ENPP2: variants seen among roughly 807,000 people sequenced by gnomAD.
The protein encoded by ENPP2 is autotaxin.
Under a neutral mutation model 120.2 loss-of-function variants are expected in ENPP2, and 51 were observed. That is an observed-to-expected ratio of 0.42 (90% CI 0.34 to 0.54). ENPP2 has a LOEUF of 0.54. Among genes scored for constraint, ENPP2 ranks in the 20% least tolerant of loss-of-function variants. The probability of loss-of-function intolerance (pLI) is 0.04; values close to 1 mark genes in which losing one functional copy is unlikely to be tolerated. For synonymous variants in ENPP2, 365 were observed against 366.4 expected (o/e 1.00, Z 0.04); for missense variants, 920 against 1,066.5 (o/e 0.86, Z 1.91).
chr8:119,620,093 A>G (rs540509669), intron 4 of ENPP2, among the ~76,000 whole-genome samples: 2 of 152,208 alleles, frequency 1.3e-5, no homozygotes, highest in East Asian at 1.9e-4. Flanking sequence ...CTACTGGACA[A>G]TGGGGTAACT....
chr8:119,584,168 T>G (rs984065889), intron 15 of ENPP2, 119 bp from the exon 16 acceptor site: 2 of 664,658 alleles, frequency 3.0e-6, no homozygotes, highest in Non-Finnish European at 5.3e-6. Context: ...GCCTCTATTT[T>G]AATTGCATTC....
At chr8:119,566,282 T>C (rs750123213) in intron 22 of ENPP2, among the ~76,000 whole-genome samples, 13 of 152,026 alleles carry the variant, frequency 8.6e-5, no homozygotes, top group Non-Finnish European at 1.5e-4. Context: ...AGGCAAGCAA[T>C]GGGTTGGTTC....
intron 19 of ENPP2, among the ~76,000 whole-genome samples, chr8:119,573,407 T>TAAAAAAAAAAAAAA (rs1563680979): frequency 9.8e-5 from 7 of 71,536 alleles, no homozygotes; most frequent in African/African-American, 5.0e-4. Flanking sequence ...GCTCCGTCTC[T>TAAAAAAAAAAAAAA]TAAAAAAAAA....
chr8:119,595,780 G>A, intron 11 of ENPP2: 3 of 1,502,760 alleles, frequency 2.0e-6, no homozygotes, highest in Non-Finnish European at 2.7e-6. Flanking sequence ...TTCCAACCAA[G>A]GCACTGAAGG....
At chr8:119,625,726 T>A (rs1816225200) in intron 3 of ENPP2, among the ~76,000 whole-genome samples, 1 of 152,162 alleles carries the variant, frequency 6.6e-6, no homozygotes, top group Non-Finnish European at 1.5e-5. Flanking sequence ...TTACAAGATA[T>A]CTCAAAAATC....
chr8:119,654,309 ATACT>A (rs1308798102), intron 1 of ENPP2, among the ~76,000 whole-genome samples: 9 of 142,236 alleles, frequency 6.3e-5, no homozygotes, highest in Non-Finnish European at 7.5e-5. Flanking sequence ...TCTATATATA[ATACT>A]TAATATATAA....
chr8:119,582,224 C>T (rs1439152743), intron 18 of ENPP2, among the ~76,000 whole-genome samples, 194 bp downstream of exon 18: 3 of 152,168 alleles, frequency 2.0e-5, no homozygotes, highest in Non-Finnish European at 2.9e-5. Flanking sequence ...AATATGGTAG[C>T]CACAAGCCAC....
At chr8:119,673,339 G>C (rs999356032) in exon 1 of ENPP2, 7 of 1,527,832 alleles carry the variant, frequency 4.6e-6, no homozygotes, top group Admixed American at 3.9e-5. Context: ...GCAGCCCCGC[G>C]ACCTGGGAGC....
chr8:119,642,470 CTA>C (rs979326571), upstream of ENPP2, among the ~76,000 whole-genome samples: 11 of 151,766 alleles, frequency 7.2e-5, no homozygotes, highest in Admixed American at 2.0e-4. Context: ...AATACAATAT[CTA>C]TGTTTCCTCA....
chr8:119,580,442 G>A (rs1812654453), intron 18 of ENPP2: 1 of 450,560 alleles, frequency 2.2e-6, no homozygotes, highest in African/African-American at 2.0e-5. Flanking sequence ...TTCCCATGTG[G>A]GTACTGATGA....
intron 2 of ENPP2, among the ~76,000 whole-genome samples, chr8:119,631,093 A>G (rs1816634979): frequency 6.8e-6 from 1 of 147,568 alleles, no homozygotes; most frequent in Non-Finnish European, 1.5e-5. Flanking sequence ...ACGGGGTTTC[A>G]CCATGTTGGT....
rs551336438 is a variant in ENPP2, at chr8:119,597,075, G to C, written c.973-3215C>G. On this transcript the variant is annotated intron_variant, in intron 11 of 24. Transcript: ENST00000075322. ...GAACAATGTTAGTGTATCCAAGAAGGGGAACATCTGCCATGCGATTTCACT... is the reference window on the plus strand; with the variant it reads ...GAACAATGTTAGTGTATCCAAGAAGCGGAACATCTGCCATGCGATTTCACT... Among the ~76,000 whole-genome samples the C allele has an allele frequency of 2.0e-5, 3 of 152,210 alleles. No homozygotes were observed. The East Asian group carries it at 5.8e-4, about 29-fold the overall frequency.
intron 10 of ENPP2, 86 bp from the exon 11 acceptor site, chr8:119,600,836 A>C: frequency 1.2e-6 from 1 of 837,790 alleles, no homozygotes; most frequent in Non-Finnish European, 2.0e-6. Flanking sequence ...GCATTTAAAA[A>C]AAAATGTTCT....
rs746404728 is a variant in ENPP2 at position 119,570,663 on chromosome 8, T to C, written c.1917+42A>G. 43 of 1,101,174 alleles carry C rather than the reference T, an allele frequency of 3.9e-5. 1 individual carries two copies. In the Middle Eastern group the frequency reaches 2.4e-3, roughly 60 times the overall value. The allele number at this position is 1,101,174 out of a possible 1,614,324, so 68.2% of individuals were successfully genotyped here. ...GGAATCATTGTATTAACATGAGGAA[T>C]GTAATAAAATAAAAAATATAAAATC... On this transcript the variant is annotated intron_variant, in intron 20 of 24. Coordinates refer to ENST00000075322, the MANE Select transcript of ENPP2 (RefSeq NM_001040092.3).
At chr8:119,651,746 G>A (rs1012982816) in intron 1 of ENPP2, among the ~76,000 whole-genome samples, 4 of 152,156 alleles carry the variant, frequency 2.6e-5, no homozygotes, top group Admixed American at 1.3e-4. Flanking sequence ...AAATGAAAAA[G>A]TGACCAGAAC....
chr8:119,667,926 T>C (rs1425764642), intron 1 of ENPP2, among the ~76,000 whole-genome samples: 2 of 152,216 alleles, frequency 1.3e-5, no homozygotes, highest in African/African-American at 4.8e-5. Context: ...ATTCCTTCTT[T>C]AGTCCCTTGC....
At chr8:119,626,911 A>G (rs1816319285) in intron 2 of ENPP2, among the ~76,000 whole-genome samples, 191 bp from the exon 3 acceptor site, 1 of 152,210 alleles carries the variant, frequency 6.6e-6, no homozygotes, top group African/African-American at 2.4e-5. Flanking sequence ...TCATCTGTAA[A>G]GTGGGGGACT....
chr8:119,672,264 A>C (rs1293447077), intron 1 of ENPP2, among the ~76,000 whole-genome samples: 3 of 152,228 alleles, frequency 2.0e-5, no homozygotes, highest in African/African-American at 2.4e-5. Flanking sequence ...TAAATACCTG[A>C]TGAGCAGAAG....
intron 3 of ENPP2, among the ~76,000 whole-genome samples, chr8:119,625,838 T>A (rs1816233739): frequency 6.6e-6 from 1 of 152,160 alleles, no homozygotes; most frequent in Non-Finnish European, 1.5e-5. Context: ...AGCCTGTACA[T>A]CCTAGTAACT....
Sources: allele counts gnomAD v4.1 joint callset (sites outside exome capture counted in the v4.1 genomes callset), GRCh38; gene constraint gnomAD v4.1.1; transcripts MANE v1.5; gene names NCBI Gene and HGNC (gene_info 2026-07-23, HGNC 2026-07-21).